Variants in FBXO7 observed in about 807,000 individuals in gnomAD.
FBXO7 encodes the protein F-box only protein 7.
Under a neutral mutation model 50.2 loss-of-function variants are expected in FBXO7, and 31 were observed. The ratio of observed to expected loss-of-function variants is 0.62; its 90% CI spans 0.46 to 0.83. The LOEUF is 0.83. FBXO7 is among the 40% of genes least tolerant of loss of function. FBXO7 has a pLI of 0.00. For synonymous variants in FBXO7, 256 were observed against 253.1 expected (o/e 1.01, Z -0.11); for missense variants, 667 against 646.6 (o/e 1.03, Z -0.34).
At chr22:32,493,696 G>C (rs902737056) in intron 7 of FBXO7, among the ~76,000 whole-genome samples, 1 of 152,140 alleles carries the variant, frequency 6.6e-6, no homozygotes, top group African/African-American at 2.4e-5. Context: ...ACATTATGGT[G>C]ACCTGGTAAT....
intron 3 of FBXO7, among the ~76,000 whole-genome samples, chr22:32,484,572 A>G (rs1257896198): frequency 6.6e-6 from 1 of 152,222 alleles, no homozygotes; most frequent in African/African-American, 2.4e-5. Flanking sequence ...CTTGTCTTCA[A>G]GGAGTCCATA....
intron 1 of FBXO7, chr22:32,475,481 A>T: frequency 6.4e-7 from 1 of 1,556,762 alleles, no homozygotes; most frequent in East Asian, 2.4e-5. Context: ...TTAGATTTCA[A>T]GTTGGAAATG....
Position 32,485,047 on chromosome 22 carries a change from C to G in FBXO7, c.646-21C>G, listed in dbSNP as rs1312433756. On this transcript the variant is annotated intron_variant, in intron 3 of 8. Transcript: ENST00000266087. The stretch of plus-strand genomic sequence containing the variant: ...TAACACCTTTCTTCATTATTTGTTT[C>G]CCTTTCATTTCGTTCCCCAGGGCAC... 9 of 1,613,870 alleles carry G rather than the reference C, an allele frequency of 5.6e-6. 1 individual carries two copies. The East Asian group carries it at 2.0e-4, about 36-fold the overall frequency.
chr22:32,481,463 A>G (rs988928615), intron 2 of FBXO7, among the ~76,000 whole-genome samples: 2 of 152,210 alleles, frequency 1.3e-5, no homozygotes, highest in African/African-American at 4.8e-5. Flanking sequence ...GAAAATTTTG[A>G]GAAATTAATG....
At chr22:32,496,117 CT>C (rs767050778) in intron 8 of FBXO7, among the ~76,000 whole-genome samples, 8 of 152,176 alleles carry the variant, frequency 5.3e-5, no homozygotes, top group Non-Finnish European at 1.2e-4. Flanking sequence ...TTGTTAGGGG[CT>C]AATGCAGTTG....
Position 32,498,590 on chromosome 22 carries a change from A to C in FBXO7, c.*60A>C. 1.3e-6 allele frequency: 2 copies of C among 1,551,262 alleles called. No homozygotes were observed. The highest frequency in any genetic ancestry group is 1.7e-6 in the Non-Finnish European group (2 of 1,146,150). On this transcript the variant is annotated 3_prime_UTR_variant, in exon 9 of 9. Transcript: ENST00000266087. The stretch of plus-strand genomic sequence containing the variant: ...TTTTTGTTTCTAAACTACAGATGTC[A>C]ACTCCTTGGGGTGCTGATCTCGAGT...
At chr22:32,487,581 C>G (rs577556884) in intron 4 of FBXO7, 164 bp from the exon 5 acceptor site, 1 of 595,972 alleles carries the variant, frequency 1.7e-6, no homozygotes, top group African/African-American at 1.9e-5. Context: ...CAGGTTTACA[C>G]TTTTGAACTT....
intron 7 of FBXO7, among the ~76,000 whole-genome samples, chr22:32,494,969 G>GTTA (rs1305405598): frequency 6.6e-6 from 1 of 152,156 alleles, no homozygotes; most frequent in Non-Finnish European, 1.5e-5. Flanking sequence ...AAAATACTTA[G>GTTA]TTATGGTCAT....
At chr22:32,487,711 A>C (rs1224102355) in intron 4 of FBXO7, 34 bp from the exon 5 acceptor site, 2 of 1,401,832 alleles carry the variant, frequency 1.4e-6, no homozygotes, top group Non-Finnish European at 2.0e-6. Flanking sequence ...GAAGTGACAG[A>C]ATTCTTTATC....
At chr22:32,490,361 C>T (rs373006608) in intron 5 of FBXO7, 25 of 152,356 alleles carry the variant, frequency 1.6e-4, no homozygotes, top group African/African-American at 5.8e-4. Context: ...TGCGTCCGTA[C>T]TTTACTATGA....
At chr22:32,485,353 A>G in intron 4 of FBXO7, 144 bp downstream of exon 4, 1 of 1,082,268 alleles carries the variant, frequency 9.2e-7, no homozygotes. Flanking sequence ...GGCCACTGAT[A>G]ACATGTGTCT....
At chr22:32,475,514 C>G (rs757763856) in intron 1 of FBXO7, 27 of 1,291,512 alleles carry the variant, frequency 2.1e-5, no homozygotes, top group African/African-American at 3.1e-5. Flanking sequence ...TGGGTTAAAC[C>G]TTTCTGGACT....
At chr22:32,475,391 C>G in intron 1 of FBXO7, 1 of 1,611,586 alleles carries the variant, frequency 6.2e-7, no homozygotes, top group East Asian at 2.2e-5. Flanking sequence ...GCTCTGGTCC[C>G]CTCCTCGGTG....
intron 1 of FBXO7, 114 bp from the exon 2 acceptor site, chr22:32,478,867 T>C: frequency 1.9e-6 from 2 of 1,045,582 alleles, no homozygotes; most frequent in Non-Finnish European, 3.0e-6. Flanking sequence ...ACCTTGTCTC[T>C]TCATCACTTA....
intron 2 of FBXO7, among the ~76,000 whole-genome samples, chr22:32,481,718 T>C (rs1217262349): frequency 1.3e-5 from 2 of 152,210 alleles, no homozygotes; most frequent in Non-Finnish European, 1.5e-5. Context: ...TTTTCTTATT[T>C]CATCATATTT....
rs903855574 is a variant in FBXO7 at position 32,485,088 on chromosome 22, G to T, written c.666G>T (p.Leu222=). The T allele has an allele frequency of 1.2e-6, 2 of 1,614,026 alleles. No homozygotes were observed. Among genetic ancestry groups the T allele is most frequent in the African/African-American group, 2.7e-5 (2 of 74,908 alleles). The change falls in exon 4 of 9, where the codon CTG becomes CTT. Residue 222 remains leucine (L), a synonymous_variant. Coordinates refer to ENST00000266087, the MANE Select transcript of FBXO7 (RefSeq NM_012179.4). ...YIPQGTEAKA[L]SMPEKWKLSG... ...CCCAGGGCACCGAAGCCAAAGCACTGTCCATGCCGGAGAAGTGGAAGTTGA... is the reference window on the plus strand; with the variant it reads ...CCCAGGGCACCGAAGCCAAAGCACTTTCCATGCCGGAGAAGTGGAAGTTGA...
chr22:32,491,133 C>A lies in FBXO7; in HGVS notation c.919C>A (p.Leu307Ile). ...CAAAGATCTTCAGAAACTCTCTCGC[C>A]TCTTTAAAGACCAGCTGGTGTATCC... is the stretch of plus-strand genomic sequence containing the variant. Reference protein sequence around the residue: ...IYKDLQKLSRLFKDQLVYPLL... With the variant: ...IYKDLQKLSRIFKDQLVYPLL... The change falls in exon 6 of 9, where the codon CTC becomes ATC. Residue 307 changes from leucine (L) to isoleucine (I), a missense_variant. Transcript: ENST00000266087. 1 of 1,613,492 alleles carries A rather than the reference C, an allele frequency of 6.2e-7. No homozygotes were observed. The highest frequency in any genetic ancestry group is 8.5e-7 in the Non-Finnish European group (1 of 1,179,486).
At chr22:32,487,494 C>T in intron 4 of FBXO7, 1 of 387,376 alleles carries the variant, frequency 2.6e-6, no homozygotes, top group Non-Finnish European at 4.7e-6. Flanking sequence ...AAGCTGCTGC[C>T]TAGTGGATTT....
At chr22:32,498,024 A>G in intron 8 of FBXO7, 120 bp from the exon 9 acceptor site, 3 of 1,167,296 alleles carry the variant, frequency 2.6e-6, no homozygotes. Context: ...GTTTGGGACT[A>G]AATCCACAAT....
Sources: gnomAD v4.1 joint callset for allele counts (sites outside exome capture counted in the v4.1 genomes callset) on GRCh38, gnomAD v4.1.1 for gene constraint, MANE v1.5 for transcripts, NCBI Gene and HGNC (gene_info 2026-07-23, HGNC 2026-07-21) for gene names.